The following SH3PXD2A variants were observed in gnomAD, a reference collection of about 807,000 sequenced individuals.
SH3PXD2A encodes SH3 and PX domains 2A, also known as SH3 and PX domain-containing protein 2A.
SH3PXD2A carries 32 observed loss-of-function variants against 115.2 expected under a neutral mutation model. The ratio of observed to expected loss-of-function variants is 0.28; its 90% confidence interval spans 0.21 to 0.37. The LOEUF (loss-of-function observed/expected upper bound fraction) is 0.37. SH3PXD2A is among the 10% of genes least tolerant of loss of function. The pLI is 1.00. For synonymous variants in SH3PXD2A, 610 were observed against 629.1 expected (o/e 0.97, Z 0.45); for missense variants, 1,328 against 1,498.7 (o/e 0.89, Z 1.88).
rs570274064 is a variant in SH3PXD2A at position 103,688,901 on chromosome 10, C to CTGT, written c.427+4124_427+4126dup. Among the ~76,000 whole-genome samples the CTGT allele has an allele frequency of 2.8e-3, 431 of 152,284 alleles. 1 individual carries two copies. Among genetic ancestry groups the CTGT allele is most frequent in the African/African-American group, 0.01 (416 of 41,548 alleles). The stretch of plus-strand genomic sequence containing the variant: ...ATTTATTTAGAGATAGGGTCTCTCT[C>CTGT]TGTTGCCCAGGCTGTAGTGCAGTGG... On this transcript the variant is annotated intron_variant, in intron 6 of 14. Coordinates refer to ENST00000369774, the MANE Select transcript of SH3PXD2A (RefSeq NM_001394015.1).
At chr10:103,719,321 T>C (rs1181208051) in intron 5 of SH3PXD2A, among the ~76,000 whole-genome samples, 1 of 152,208 alleles carries the variant, frequency 6.6e-6, no homozygotes, top group Non-Finnish European at 1.5e-5. Flanking sequence ...GGGCTGTGGT[T>C]AGAACCGTAG....
At chr10:103,644,114 CAAAAAAA>C (rs71019685) in intron 8 of SH3PXD2A, among the ~76,000 whole-genome samples, 3 of 72,270 alleles carry the variant, frequency 4.2e-5, no homozygotes, top group African/African-American at 6.1e-5. Flanking sequence ...GGCTCCATCC[CAAAAAAA>C]AAAAAAAAAA....
In SH3PXD2A at chr10:103,818,156, ACTC is replaced by A. The variant is rs1448404036; in HGVS notation, c.73-16797_73-16795del. 2.6e-5 allele frequency among the ~76,000 whole-genome samples: 4 copies of A among 152,044 alleles called. No individual in the cohort carries two copies. In the East Asian group the frequency reaches 7.7e-4, roughly 29 times the overall value. On this transcript the variant is annotated intron_variant, in intron 1 of 14. Transcript: ENST00000369774. The stretch of plus-strand genomic sequence containing the variant: ...GGTTAAGGGGTTCTTGTCAGAAAGA[ACTC>A]TATTTCTCCATCTTCTCAGCCTGTC...
At chr10:103,747,909 C>G (rs35173046) in intron 3 of SH3PXD2A, among the ~76,000 whole-genome samples, 16,040 of 152,182 alleles carry the variant, frequency 0.11, 969 homozygotes, top group Non-Finnish European at 0.12. Flanking sequence ...TTCAGCCTCC[C>G]AAAGTGCTGA....
intron 3 of SH3PXD2A, among the ~76,000 whole-genome samples, chr10:103,751,114 C>T (rs1055443515): frequency 2.0e-5 from 3 of 152,188 alleles, no homozygotes; most frequent in African/African-American, 7.2e-5. Flanking sequence ...TACCTTTAAC[C>T]CTTGTCAAAC....
chr10:103,807,806 C>T (rs1015875813), intron 1 of SH3PXD2A, among the ~76,000 whole-genome samples: 1 of 152,152 alleles, frequency 6.6e-6, no homozygotes, highest in Admixed American at 6.5e-5. Flanking sequence ...GCAGGGATAG[C>T]TAACATTTGG....
Position 103,602,630 on chromosome 10 carries a change from G to T in SH3PXD2A, c.2588C>A (p.Ala863Glu), listed in dbSNP as rs750862901. 2 of 1,614,122 alleles carry T rather than the reference G, an allele frequency of 1.2e-6. No homozygotes were observed. The highest frequency in any genetic ancestry group is 2.2e-5 in the South Asian group (2 of 91,078). ...KVQDSEISFP[A>E]GVEVQVLEKQ... ...CTCCAGCACCTGCACCTCCACGCCC[G>T]CGGGGAAGCTGATCTCCGAGTCCTG... The change falls in exon 15 of 15, where the codon GCG becomes GAG. Residue 863 changes from alanine (A) to glutamate (E), a missense_variant. Ala to Glu is a moderately radical substitution (Grantham distance 107). Coordinates refer to ENST00000369774, the MANE Select transcript of SH3PXD2A (RefSeq NM_001394015.1).
At chr10:103,625,647 C>T in intron 9 of SH3PXD2A, among the ~76,000 whole-genome samples, 1 of 152,202 alleles carries the variant, frequency 6.6e-6, no homozygotes, top group South Asian at 2.1e-4. Flanking sequence ...AATCCCAGCA[C>T]TTTGGGAGGC....
intron 5 of SH3PXD2A, 130 bp from the exon 6 acceptor site, chr10:103,693,186 G>C (rs2037780606): frequency 4.6e-6 from 2 of 437,014 alleles, no homozygotes; most frequent in Admixed American, 4.8e-5. Flanking sequence ...GCCCACGGCC[G>C]GCTAGCCGCG....
chr10:103,705,260 T>G (rs1041608725), intron 5 of SH3PXD2A, among the ~76,000 whole-genome samples: 6 of 151,870 alleles, frequency 4.0e-5, no homozygotes, highest in Admixed American at 6.6e-5. Flanking sequence ...CTTGTGCCCA[T>G]GAACCCCAAA....
At position 103,723,268 on chromosome 10, in the gene SH3PXD2A, G is replaced by A. The variant is rs1008305336; in HGVS notation, c.398+1002C>T. ...CCCATCCGGTACTTTAAGCTTCCAG[G>A]GGATAGCTATGGAGTGAGCTGATTC... On this transcript the variant is annotated intron_variant, in intron 5 of 14. Transcript: ENST00000369774. Among the ~76,000 whole-genome samples, 7 of 152,230 alleles carry A rather than the reference G, an allele frequency of 4.6e-5. No individual in the cohort carries two copies. The East Asian group carries it at 1.4e-3, about 29-fold the overall frequency.
At chr10:103,783,199 G>T (rs952126014) in intron 2 of SH3PXD2A, among the ~76,000 whole-genome samples, 6 of 152,240 alleles carry the variant, frequency 3.9e-5, no homozygotes, top group African/African-American at 1.4e-4. Context: ...GGCAGGCAAG[G>T]AGTTTGGAGT....
chr10:103,626,980 G>A (rs2036707542), intron 9 of SH3PXD2A, 109 bp downstream of exon 9: 1 of 669,392 alleles, frequency 1.5e-6, no homozygotes, highest in African/African-American at 1.8e-5. Flanking sequence ...GAGGAGGCTA[G>A]GATATGGCTC....
chr10:103,668,562 C>G (rs1384402449), intron 7 of SH3PXD2A, 46 bp downstream of exon 7: 1 of 1,517,978 alleles, frequency 6.6e-7, no homozygotes, highest in East Asian at 2.5e-5. Flanking sequence ...CGCACACGGA[C>G]CTGGAACACA....
intron 1 of SH3PXD2A, among the ~76,000 whole-genome samples, chr10:103,836,597 A>C: frequency 6.7e-6 from 1 of 150,080 alleles, no homozygotes; most frequent in African/African-American, 2.4e-5. Context: ...CACAGTCCAC[A>C]CTCAAACCCC....
At chr10:103,679,886 G>A (rs1187829577) in intron 6 of SH3PXD2A, among the ~76,000 whole-genome samples, 3 of 152,208 alleles carry the variant, frequency 2.0e-5, no homozygotes, top group Admixed American at 2.0e-4. Context: ...CTCCAGGGCT[G>A]AGCTGAGGAC....
chr10:103,751,502 C>G (rs1284756559), intron 3 of SH3PXD2A, among the ~76,000 whole-genome samples: 1 of 152,126 alleles, frequency 6.6e-6, no homozygotes, highest in East Asian at 1.9e-4. Context: ...TTTCCAAGGC[C>G]AAACAACTAG....
chr10:103,759,508 G>C (rs1351054386), intron 3 of SH3PXD2A, among the ~76,000 whole-genome samples: 2 of 152,226 alleles, frequency 1.3e-5, no homozygotes, highest in Admixed American at 1.3e-4. Flanking sequence ...AGCCAGTACA[G>C]AGACACAGAT....
intron 1 of SH3PXD2A, among the ~76,000 whole-genome samples, chr10:103,842,099 TG>T: frequency 7.9e-6 from 1 of 126,792 alleles, no homozygotes; most frequent in East Asian, 2.6e-4. Flanking sequence ...CACTGCAGCC[TG>T]GGCGACAGAG....
Sources: allele counts gnomAD v4.1 joint callset (sites outside exome capture counted in the v4.1 genomes callset), GRCh38; gene constraint gnomAD v4.1.1; transcripts MANE v1.5; gene names NCBI Gene and HGNC (gene_info 2026-07-23, HGNC 2026-07-21).